The following XKR9 variants were observed in gnomAD, a reference collection of about 807,000 sequenced individuals.
The protein encoded by XKR9 is XK related 9.
A neutral mutation model predicts 32.0 loss-of-function variants in XKR9; 32 were observed. The ratio of observed to expected loss-of-function variants is 1.00; its 90% CI spans 0.76 to 1.34. The LOEUF (loss-of-function observed/expected upper bound fraction) is 1.34. Ranked by LOEUF, XKR9 falls within the 40% of genes most tolerant of loss-of-function variation. XKR9 has a pLI of 0.00. For missense variants in XKR9, 546 were observed against 429.7 expected (o/e 1.27, Z -2.39); for synonymous variants, 168 against 143.4 (o/e 1.17, Z -1.22).
the XKR9 span, among the ~76,000 whole-genome samples, chr8:70,867,027 C>G: frequency 6.6e-6 from 1 of 152,108 alleles, no homozygotes; most frequent in East Asian, 1.9e-4. Context: ...TATTTTCACG[C>G]TGCTGATAAA....
downstream of XKR9, among the ~76,000 whole-genome samples, chr8:70,740,579 T>G (rs1806954121): frequency 6.6e-6 from 1 of 151,966 alleles, no homozygotes; most frequent in Non-Finnish European, 1.5e-5. Flanking sequence ...CTCTGTTTTT[T>G]TCCCCATCTT....
the XKR9 span, among the ~76,000 whole-genome samples, chr8:70,982,018 T>TACCTGC: frequency 3.3e-5 from 5 of 152,234 alleles, no homozygotes; most frequent in Admixed American, 2.0e-4. Context: ...CAGCCATGGA[T>TACCTGC]ACCTGCACCT....
chr8:70,741,634 C>T (rs1806984642), intron 2 of XKR9, among the ~76,000 whole-genome samples: 1 of 152,084 alleles, frequency 6.6e-6, no homozygotes. Context: ...TTTATCCATT[C>T]ATTCATTGAT....
At chr8:70,769,671 C>A (rs1239983946) in intron 2 of XKR9, among the ~76,000 whole-genome samples, 1 of 151,646 alleles carries the variant, frequency 6.6e-6, no homozygotes, top group African/African-American at 2.4e-5. Flanking sequence ...TGTCTTCATC[C>A]TTTATTTCAT....
chr8:71,017,213 A>T, the XKR9 span, among the ~76,000 whole-genome samples: 64 of 152,322 alleles, frequency 4.2e-4, no homozygotes, highest in African/African-American at 1.4e-3. Context: ...CATGAATGTT[A>T]TAAAGGGGTA....
At chr8:70,829,740 G>A in the XKR9 span, among the ~76,000 whole-genome samples, 8 of 152,096 alleles carry the variant, frequency 5.3e-5, no homozygotes, top group East Asian at 1.9e-4. Flanking sequence ...GAGCCACGGC[G>A]CCCAGCCTGA....
intron 3 of XKR9, among the ~76,000 whole-genome samples, chr8:70,690,725 C>T (rs558517310): frequency 2.0e-5 from 3 of 152,260 alleles, no homozygotes; most frequent in African/African-American, 7.2e-5. Flanking sequence ...TGATAGCCTC[C>T]AGCTCCTTCT....
At chr8:70,817,958 TAACTC>T in the XKR9 span, among the ~76,000 whole-genome samples, 1 of 152,150 alleles carries the variant, frequency 6.6e-6, no homozygotes, top group African/African-American at 2.4e-5. Context: ...ATACAAAAAT[TAACTC>T]AAGATGGGTT....
chr8:70,929,970 C>T, the XKR9 span, among the ~76,000 whole-genome samples: 32 of 152,142 alleles, frequency 2.1e-4, no homozygotes, highest in African/African-American at 7.2e-4. Context: ...AGAATTCTGC[C>T]CGTCACAGGC....
chr8:70,787,041 G>A (rs769863919), intron 2 of XKR9, among the ~76,000 whole-genome samples: 3 of 152,072 alleles, frequency 2.0e-5, no homozygotes, highest in Non-Finnish European at 2.9e-5. Context: ...TCCAAAATTA[G>A]GCAATCATGC....
chr8:70,880,945 C>T, the XKR9 span, among the ~76,000 whole-genome samples: 8 of 152,026 alleles, frequency 5.3e-5, no homozygotes, highest in Non-Finnish European at 1.0e-4. Flanking sequence ...GGAACAGAAC[C>T]GAGGCCTCAG....
the XKR9 span, among the ~76,000 whole-genome samples, chr8:70,942,644 T>G: frequency 6.6e-6 from 1 of 152,126 alleles, no homozygotes; most frequent in South Asian, 2.1e-4. Flanking sequence ...TAAATCACAC[T>G]TACTTTATTG....
the XKR9 span, among the ~76,000 whole-genome samples, chr8:70,834,033 G>A: frequency 6.6e-6 from 1 of 152,070 alleles, no homozygotes; most frequent in Non-Finnish European, 1.5e-5. Flanking sequence ...TTAAAATATG[G>A]AATATTACTA....
chr8:71,038,735 C>T, the XKR9 span, among the ~76,000 whole-genome samples: 1 of 127,180 alleles, frequency 7.9e-6, no homozygotes. Flanking sequence ...TGTCCTAGCT[C>T]ATGTTCTCAA....
At position 70,720,655 on chromosome 8, in the gene XKR9, G is replaced by T. The variant is rs933723348; in HGVS notation, c.494-13141G>T. Among the ~76,000 whole-genome samples, 4 of 152,174 alleles carry T rather than the reference G, an allele frequency of 2.6e-5. No homozygotes were observed. In the South Asian group the frequency reaches 8.3e-4, roughly 32 times the overall value. On this transcript the variant is annotated intron_variant, in intron 4 of 4. Transcript: ENST00000408926. Reference sequence around the variant, plus strand: ...TTCATCCCAGGGATGAAGCTGACTTGATCGTGGTAGATAAGCTTTTTGATG... The same window carrying T: ...TTCATCCCAGGGATGAAGCTGACTTTATCGTGGTAGATAAGCTTTTTGATG...
At chr8:70,683,599 T>C (rs1184007895) in intron 3 of XKR9, 1 of 444,864 alleles carries the variant, frequency 2.2e-6, no homozygotes, top group African/African-American at 2.0e-5. Context: ...GAGATTCTCC[T>C]GCATCAGCTT....
chr8:70,908,360 C>T, the XKR9 span, among the ~76,000 whole-genome samples: 1 of 151,976 alleles, frequency 6.6e-6, no homozygotes, highest in Admixed American at 6.6e-5. Context: ...TCTAAATGAT[C>T]ACGAAGTTCT....
the XKR9 span, among the ~76,000 whole-genome samples, chr8:70,904,021 G>A: frequency 6.0e-5 from 9 of 150,658 alleles, no homozygotes; most frequent in East Asian, 7.8e-4. Flanking sequence ...CATTTGCTGT[G>A]GAGTGCTTTA....
At chr8:70,892,523 T>C in the XKR9 span, among the ~76,000 whole-genome samples, 3 of 152,178 alleles carry the variant, frequency 2.0e-5, no homozygotes, top group Admixed American at 6.5e-5. Context: ...ATAGGGCTGG[T>C]CTAACAGTGA....
Sources: gnomAD v4.1 joint callset for allele counts (sites outside exome capture counted in the v4.1 genomes callset) on GRCh38, gnomAD v4.1.1 for gene constraint, MANE v1.5 for transcripts, NCBI Gene and HGNC (gene_info 2026-07-23, HGNC 2026-07-21) for gene names.